RPSA2: variants seen among roughly 807,000 people sequenced by gnomAD.
The protein encoded by RPSA2 is small ribosomal subunit protein uS2B.
the RPSA2 span, among the ~76,000 whole-genome samples, chr19:23,768,055 A>G: frequency 2.0e-5 from 3 of 152,062 alleles, no homozygotes; most frequent in Admixed American, 2.0e-4. Flanking sequence ...GTGAGCCACC[A>G]CGCCCGGCCC....
At chr19:23,855,627 G>T in the RPSA2 span, among the ~76,000 whole-genome samples, 1 of 151,810 alleles carries the variant, frequency 6.6e-6, no homozygotes, top group African/African-American at 2.4e-5. Context: ...GTAGATAAGG[G>T]AAACTGAGGT....
chr19:23,858,141 G>T, the RPSA2 span, among the ~76,000 whole-genome samples: 1 of 151,316 alleles, frequency 6.6e-6, no homozygotes. Flanking sequence ...ACTGGTTTAG[G>T]AATCATGTTT....
the RPSA2 span, among the ~76,000 whole-genome samples, chr19:23,797,172 C>T: frequency 2.6e-5 from 4 of 152,116 alleles, no homozygotes; most frequent in South Asian, 2.1e-4. Flanking sequence ...TGCAATGGCA[C>T]GATCTCAACT....
chr19:23,789,993 G>A, the RPSA2 span, among the ~76,000 whole-genome samples: 1 of 151,696 alleles, frequency 6.6e-6, no homozygotes, highest in African/African-American at 2.4e-5. Flanking sequence ...CTTCTTTTTT[G>A]TATGTATATA....
the RPSA2 span, chr19:23,827,860 T>G: frequency 2.5e-6 from 3 of 1,218,124 alleles, no homozygotes; most frequent in Non-Finnish European, 3.5e-6. Context: ...AATGGACTGC[T>G]CCCTCTCCTG....
At chr19:23,860,533 A>G in the RPSA2 span, among the ~76,000 whole-genome samples, 1 of 152,106 alleles carries the variant, frequency 6.6e-6, no homozygotes, top group Non-Finnish European at 1.5e-5. Flanking sequence ...ATCATATTAT[A>G]TCCATCTTTG....
chr19:23,758,833 G>A, the RPSA2 span: 5 of 1,574,214 alleles, frequency 3.2e-6, no homozygotes, highest in African/African-American at 4.1e-5. Context: ...TGGGCCTCTA[G>A]AAGAAGAGGA....
the RPSA2 span, among the ~76,000 whole-genome samples, chr19:23,869,785 G>A: frequency 4.6e-5 from 7 of 152,270 alleles, no homozygotes; most frequent in African/African-American, 1.4e-4. Flanking sequence ...GTTCACAAAC[G>A]GTAGTATCCG....
At chr19:23,855,785 C>A in the RPSA2 span, among the ~76,000 whole-genome samples, 1 of 151,976 alleles carries the variant, frequency 6.6e-6, no homozygotes, top group African/African-American at 2.4e-5. Flanking sequence ...GGATGAGGGA[C>A]CAAAATGACA....
chr19:23,759,641 A>G, the RPSA2 span, among the ~76,000 whole-genome samples: 1 of 136,868 alleles, frequency 7.3e-6, no homozygotes. Context: ...CTCTTGCCTC[A>G]GCCTCCCGAG....
chr19:23,801,642 A>G, the RPSA2 span, among the ~76,000 whole-genome samples: 5 of 152,188 alleles, frequency 3.3e-5, no homozygotes, highest in Non-Finnish European at 7.3e-5. Flanking sequence ...GCTGTTCACT[A>G]TTGCCAAAAG....
At chr19:23,808,610 G>T in the RPSA2 span, 2 of 304,708 alleles carry the variant, frequency 6.6e-6, no homozygotes, top group Non-Finnish European at 1.3e-5. Flanking sequence ...TAGTATATTG[G>T]GATAAATTTA....
chr19:23,856,154 C>T, the RPSA2 span, among the ~76,000 whole-genome samples: 1 of 151,920 alleles, frequency 6.6e-6, no homozygotes, highest in African/African-American at 2.4e-5. Context: ...GAGAGGGTTG[C>T]CAGATTCAGA....
At chr19:23,832,368 C>T in the RPSA2 span, 490,002 of 494,280 alleles carry the variant, frequency 0.99, 243,036 homozygotes, top group East Asian at 1. Context: ...ATAGGAGAGT[C>T]CATACTAGAC....
chr19:23,855,252 C>T, the RPSA2 span, among the ~76,000 whole-genome samples: 3 of 152,236 alleles, frequency 2.0e-5, no homozygotes, highest in East Asian at 1.9e-4. Flanking sequence ...TGCAGACGGG[C>T]CTTCTCTGAC....
At chr19:23,867,627 G>A in the RPSA2 span, among the ~76,000 whole-genome samples, 8 of 152,048 alleles carry the variant, frequency 5.3e-5, no homozygotes, top group Non-Finnish European at 7.4e-5. Flanking sequence ...TCAGGAGATC[G>A]AGACCATCCT....
chr19:23,869,236 A>C, the RPSA2 span, among the ~76,000 whole-genome samples: 1 of 152,290 alleles, frequency 6.6e-6, no homozygotes, highest in African/African-American at 2.4e-5. Context: ...CAATGTCGTC[A>C]ATTATACTAC....
At chr19:23,792,379 TAC>T in the RPSA2 span, among the ~76,000 whole-genome samples, 1 of 152,130 alleles carries the variant, frequency 6.6e-6, no homozygotes, top group Non-Finnish European at 1.5e-5. Context: ...TGAGAGAAAC[TAC>T]AGAGCCTTGG....
At chr19:23,790,794 C>T in the RPSA2 span, 13 of 535,382 alleles carry the variant, frequency 2.4e-5, no homozygotes, top group Non-Finnish European at 4.5e-5. Context: ...CCAGTTCCGA[C>T]ATCTGGAGAG....
Sources: gnomAD v4.1 joint callset for allele counts (sites outside exome capture counted in the v4.1 genomes callset) on GRCh38, gnomAD v4.1.1 for gene constraint, MANE v1.5 for transcripts, NCBI Gene and HGNC (gene_info 2026-07-23, HGNC 2026-07-21) for gene names.